The following SLC12A4 variants were observed in gnomAD, a reference collection of about 807,000 sequenced individuals.
SLC12A4 encodes electroneutral potassium-chloride cotransporter 1.
Under a neutral mutation model 119.2 loss-of-function variants are expected in SLC12A4, and 84 were observed. The observed-to-expected ratio is 0.70, with a 90% CI of 0.59 to 0.85. SLC12A4 has a LOEUF of 0.85. Ranked by LOEUF, SLC12A4 falls within the 40% of genes least tolerant of loss-of-function variation. The pLI is 0.00. For missense variants in SLC12A4, 1,298 were observed against 1,476.3 expected (o/e 0.88, Z 1.98); for synonymous variants, 599 against 604.6 (o/e 0.99, Z 0.14).
rs964135429 is a variant in SLC12A4 at position 67,951,489 on chromosome 16, C to T, written c.1133-185G>A. 1.6e-5 allele frequency: 11 copies of T among 695,560 alleles called. No homozygotes were observed. Among genetic ancestry groups the T allele is most frequent in the South Asian group, 7.7e-5 (4 of 51,734 alleles). 43.1% of individuals were successfully genotyped at this position (695,560 alleles called of 1,614,324 possible). A position where few individuals can be genotyped will look rare whatever the true frequency, so the allele number is the denominator to read the frequency against. ...GAGAAGGAGCTGCCCAGCTAGAAGT[C>T]GACAGACAAAGGTGGCTGAACCACC... is the stretch of plus-strand genomic sequence containing the variant. On this transcript the variant is annotated intron_variant, in intron 8 of 23. Transcript: ENST00000316341. The surrounding 1 kb of genome is among the most constrained non-coding windows in gnomAD (Gnocchi z 5.2).
intron 1 of SLC12A4, among the ~76,000 whole-genome samples, chr16:67,964,994 A>C (rs2030799888): frequency 6.6e-6 from 1 of 152,210 alleles, no homozygotes; most frequent in African/African-American, 2.4e-5. Context: ...AGCATGTGAA[A>C]GTGGCACACC....
intron 1 of SLC12A4, chr16:67,964,068 G>GC (rs1391824536): frequency 3.9e-6 from 6 of 1,541,826 alleles, no homozygotes; most frequent in Non-Finnish European, 5.3e-6. Flanking sequence ...CATGCACTGC[G>GC]CGGGGGGCGT....
At chr16:67,964,249 G>C (rs1490711247) in intron 1 of SLC12A4, among the ~76,000 whole-genome samples, 1 of 152,198 alleles carries the variant, frequency 6.6e-6, no homozygotes, top group East Asian at 1.9e-4. Flanking sequence ...GCAACACAAT[G>C]GCCCCCTTGC....
chr16:67,963,314 A>C (rs902336263), intron 2 of SLC12A4, 151 bp downstream of exon 2: 3 of 481,752 alleles, frequency 6.2e-6, no homozygotes, highest in African/African-American at 6.2e-5. Context: ...TGAAAGGGCC[A>C]AGGGAACTGC....
chr16:67,948,671 G>A (rs552330990), intron 13 of SLC12A4, among the ~76,000 whole-genome samples: 7 of 152,242 alleles, frequency 4.6e-5, no homozygotes, highest in African/African-American at 1.4e-4. Context: ...GGACGGGTGC[G>A]CAGGAAGGCA....
Position 67,951,726 on chromosome 16 carries a change from C to T in SLC12A4, c.1132+97G>A. The T allele has an allele frequency of 8.7e-7, 1 of 1,150,674 alleles. No individual in the cohort carries two copies. The highest frequency in any genetic ancestry group is 1.2e-6 in the Non-Finnish European group (1 of 806,714). 71.3% of individuals were successfully genotyped at this position (1,150,674 alleles called of 1,614,324 possible). A position where few individuals can be genotyped will look rare whatever the true frequency, so the allele number is the denominator to read the frequency against. On this transcript the variant is annotated intron_variant, in intron 8 of 23. Coordinates refer to ENST00000316341, the MANE Select transcript of SLC12A4 (RefSeq NM_005072.5). The surrounding 1 kb of genome is among the most constrained non-coding windows in gnomAD (Gnocchi z 5.2). ...GGGCTGGGAAGGCGGCCAGTCCTGC[C>T]CCCGTTCCCAAGCTGGCCACACAAG...
At chr16:67,961,923 C>T (rs765002864) in intron 2 of SLC12A4, among the ~76,000 whole-genome samples, 1 of 152,250 alleles carries the variant, frequency 6.6e-6, no homozygotes, top group Non-Finnish European at 1.5e-5. Flanking sequence ...GGCTGCTTCT[C>T]TCTACCCCGC....
rs1023176964 is a variant in SLC12A4 at position 67,943,847 on chromosome 16, T to C, written c.*993A>G. ...CAGGGCAGGTACTTATGTCGGGGCTTATGCAGGGCAGAAGGGCTTTGGCCA... is the reference window on the plus strand; with the variant it reads ...CAGGGCAGGTACTTATGTCGGGGCTCATGCAGGGCAGAAGGGCTTTGGCCA... On this transcript the variant is annotated 3_prime_UTR_variant, in exon 24 of 24. Transcript: ENST00000316341. The surrounding 1 kb of genome is among the most constrained non-coding windows in gnomAD (Gnocchi z 4.6). The C allele has an allele frequency of 7.8e-6, 9 of 1,160,872 alleles. No individual in the cohort carries two copies. The African/African-American group carries it at 1.4e-4, about 18-fold the overall frequency. The allele number at this position is 1,160,872 out of a possible 1,614,324, so 71.9% of individuals were successfully genotyped here.
In SLC12A4 at chr16:67,944,958, A is replaced by T. The variant is rs373288862; in HGVS notation, c.3167-27T>A. ...TGCAGGGCCTCAAGTCAAGGAGGCA[A>T]CAACAGAATCAACGGGCAACCCGGG... On this transcript the variant is annotated intron_variant, in intron 23 of 23. Transcript: ENST00000316341. The surrounding 1 kb of genome is among the most constrained non-coding windows in gnomAD (Gnocchi z 6.6). The T allele has an allele frequency of 9.4e-5, 151 of 1,613,030 alleles. No individual in the cohort carries two copies. Among genetic ancestry groups the T allele is most frequent in the Non-Finnish European group, 1.2e-4 (146 of 1,179,834 alleles).
chr16:67,961,483 G>A (rs1250918574), intron 3 of SLC12A4, 92 bp downstream of exon 3: 1 of 1,524,904 alleles, frequency 6.6e-7, no homozygotes. Flanking sequence ...ACTTCCCCCA[G>A]TGTGCTCACC....
rs1368291296 is a variant in SLC12A4 at position 67,950,527 on chromosome 16, G to A, written c.1455-34C>T. On this transcript the variant is annotated intron_variant, in intron 11 of 23. Transcript: ENST00000316341. This position sits in a 1 kb window ranked among gnomAD's most constrained non-coding sequence, Gnocchi z 4.3. ...GCCACCAGAGTGAGGGATGTCAGGG[G>A]TCCGGAAGGATGGCACAGACCACCA... 11 of 1,612,700 alleles carry A rather than the reference G, an allele frequency of 6.8e-6. No individual in the cohort carries two copies. In the African/African-American group the frequency reaches 1.5e-4, roughly 22 times the overall value.
rs2030590419 is a variant in SLC12A4, at chr16:67,961,761, G to GTGGAGCCAGCTGCC, written c.211-69_211-56dup. 1.6e-5 allele frequency: 25 copies of GTGGAGCCAGCTGCC among 1,605,508 alleles called. No individual in the cohort carries two copies. The Admixed American group carries it at 2.5e-4, about 16-fold the overall frequency. On this transcript the variant is annotated intron_variant, in intron 2 of 23. Transcript: ENST00000316341. The stretch of plus-strand genomic sequence containing the variant: ...ATTGGGCCAGGTGGGTGCCAGCTGT[G>GTGGAGCCAGCTGCC]TGGAGCCAGCTGCCTGGTCCCTGGC...
intron 2 of SLC12A4, chr16:67,962,104 C>A: frequency 8.3e-5 from 14 of 168,912 alleles, no homozygotes; most frequent in East Asian, 1.7e-4. Flanking sequence ...ACCCTCCCCA[C>A]AAAAAAGCCA....
rs762296109 is a variant in SLC12A4, at chr16:67,945,147, C to A, written c.3106G>T (p.Ala1036Ser). ...GGCATGTTTAGGAGAACCAGGCGGG[C>A]GTCGTGGGAGCGCGTGACAATGACT... ...NEVIVTRSHDARLVLLNMPGP... is the reference protein window; with the variant it reads ...NEVIVTRSHDSRLVLLNMPGP... The change falls in exon 23 of 24, where the codon GCC becomes TCC. Residue 1036 changes from alanine to serine, a missense_variant. Coordinates refer to ENST00000316341, the MANE Select transcript of SLC12A4 (RefSeq NM_005072.5). 1 of 1,599,186 alleles carries A rather than the reference C, an allele frequency of 6.3e-7. No homozygotes were observed. Among genetic ancestry groups the A allele is most frequent in the Admixed American group, 1.7e-5 (1 of 58,226 alleles).
intron 3 of SLC12A4, among the ~76,000 whole-genome samples, chr16:67,960,703 A>G (rs899962246): frequency 6.6e-6 from 1 of 151,704 alleles, no homozygotes; most frequent in Non-Finnish European, 1.5e-5. Flanking sequence ...CCTAGCCTCC[A>G]AATGAAAAAT....
chr16:67,956,192 A>G (rs1424650969), intron 5 of SLC12A4, among the ~76,000 whole-genome samples: 3 of 152,198 alleles, frequency 2.0e-5, no homozygotes, highest in Admixed American at 2.0e-4. Flanking sequence ...ATAAATAAAT[A>G]AACGAAAAGT....
chr16:67,943,933 C>G lies in SLC12A4; in HGVS notation c.*907G>C, dbSNP rs1337155154. 4.5e-6 allele frequency: 7 copies of G among 1,540,840 alleles called. No homozygotes were observed. The highest frequency in any genetic ancestry group is 6.1e-6 in the Non-Finnish European group (7 of 1,141,264). Reference sequence around the variant, plus strand: ...GGGTCTGGCGTGGTGCATCAGGGGCCTGGTGGGGGCTTACCGAGGATGACG... The same window carrying G: ...GGGTCTGGCGTGGTGCATCAGGGGCGTGGTGGGGGCTTACCGAGGATGACG... On this transcript the variant is annotated 3_prime_UTR_variant, in exon 24 of 24. Transcript: ENST00000316341. This position sits in a 1 kb window ranked among gnomAD's most constrained non-coding sequence, Gnocchi z 4.6.
chr16:67,947,501 G>A lies in SLC12A4; in HGVS notation c.1968-66C>T, dbSNP rs544908019. 43 of 1,535,636 alleles carry A rather than the reference G, an allele frequency of 2.8e-5. 1 individual carries two copies. Among genetic ancestry groups the A allele is most frequent in the Middle Eastern group, 1.7e-4 (1 of 5,874 alleles). ...CAGGGGGTTCTGTCTATGTGGATGC[G>A]AGGTGGAGGGGTTCTGCCCCTCAAG... On this transcript the variant is annotated intron_variant, in intron 15 of 23. Transcript: ENST00000316341.
chr16:67,951,516 T>C lies in SLC12A4; in HGVS notation c.1133-212A>G, dbSNP rs921747465. ...ACAGACAAAGGTGGCTGAACCACCG[T>C]CACCCAGAGCCCGCCACTGCCCGCC... On this transcript the variant is annotated intron_variant, in intron 8 of 23. Transcript: ENST00000316341. This position sits in a 1 kb window ranked among gnomAD's most constrained non-coding sequence, Gnocchi z 5.2. 9 of 632,620 alleles carry C rather than the reference T, an allele frequency of 1.4e-5. No individual in the cohort carries two copies. The highest frequency in any genetic ancestry group is 2.4e-5 in the Non-Finnish European group (9 of 368,622). The allele number at this position is 632,620 out of a possible 1,614,324, so 39.2% of individuals were successfully genotyped here.
Sources: gnomAD v4.1 joint callset for allele counts (sites outside exome capture counted in the v4.1 genomes callset) on GRCh38, gnomAD v4.1.1 for gene constraint, Gnocchi (gnomAD v3.1) non-coding constraint, MANE v1.5 for transcripts, NCBI Gene and HGNC (gene_info 2026-07-23, HGNC 2026-07-21) for gene names.